Variants in PRKCA observed in about 807,000 individuals in gnomAD.
The protein encoded by PRKCA is protein kinase C alpha type.
A neutral mutation model predicts 87.0 loss-of-function variants in PRKCA; 27 were observed. The ratio of observed to expected loss-of-function variants is 0.31; its 90% CI spans 0.23 to 0.43. The LOEUF is 0.43. Among genes scored for constraint, PRKCA ranks in the 20% least tolerant of loss-of-function variants. PRKCA has a pLI of 1.00. For synonymous variants in PRKCA, 329 were observed against 311.1 expected (o/e 1.06, Z -0.61); for missense variants, 518 against 852.3 (o/e 0.61, Z 4.88).
At chr17:66,370,435 G>A (rs991234888) in intron 2 of PRKCA, among the ~76,000 whole-genome samples, 30 of 151,270 alleles carry the variant, frequency 2.0e-4, no homozygotes, top group African/African-American at 7.0e-4. Context: ...GCGAACAGTG[G>A]TTAACAGTTA....
chr17:66,627,758 G>A (rs146400279), intron 3 of PRKCA, among the ~76,000 whole-genome samples: 4 of 152,192 alleles, frequency 2.6e-5, no homozygotes, highest in East Asian at 3.9e-4. Flanking sequence ...CCTGTTTTAC[G>A]GCTTCCTACC....
rs187766387 is a variant in PRKCA at position 66,659,884 on chromosome 17, G to A, written c.529+14373G>A. ...CCAAGCAAGGAGAATTGAGCAGCTC[G>A]TGCTGATGACTTGAACTGGCAGATA... is the stretch of plus-strand genomic sequence containing the variant. On this transcript the variant is annotated intron_variant, in intron 5 of 16. Coordinates refer to ENST00000413366, the MANE Select transcript of PRKCA (RefSeq NM_002737.3). Among the ~76,000 whole-genome samples, 109 of 152,306 alleles carry A rather than the reference G, an allele frequency of 7.2e-4. 1 individual carries two copies. In the Middle Eastern group the frequency reaches 0.01, roughly 14 times the overall value.
At chr17:66,699,052 A>G (rs1393769089) in intron 8 of PRKCA, among the ~76,000 whole-genome samples, 1 of 150,714 alleles carries the variant, frequency 6.6e-6, no homozygotes, top group Non-Finnish European at 1.5e-5. Context: ...AAGGTAAGCA[A>G]GCCAGGCACA....
intron 8 of PRKCA, among the ~76,000 whole-genome samples, chr17:66,712,647 A>T (rs536937450): frequency 2.0e-5 from 3 of 152,276 alleles, no homozygotes; most frequent in Admixed American, 2.0e-4. Flanking sequence ...CCTGCTGGGC[A>T]ACGTGGCTGT....
chr17:66,574,987 C>G (rs894596146), intron 3 of PRKCA, among the ~76,000 whole-genome samples: 5 of 152,132 alleles, frequency 3.3e-5, no homozygotes, highest in Non-Finnish European at 7.3e-5. Flanking sequence ...TTTCACTTAT[C>G]GGGAATTTTC....
At chr17:66,736,047 A>T (rs1312307373) in intron 10 of PRKCA, among the ~76,000 whole-genome samples, 3 of 150,078 alleles carry the variant, frequency 2.0e-5, no homozygotes, top group African/African-American at 7.4e-5. Context: ...CACTCAGCTA[A>T]TTTTTGTATT....
intron 14 of PRKCA, among the ~76,000 whole-genome samples, chr17:66,786,018 CG>C (rs752667870): frequency 3.9e-5 from 6 of 152,072 alleles, no homozygotes; most frequent in Non-Finnish European, 2.9e-5. Context: ...TTAGTAGAGA[CG>C]GGGTTTCACC....
chr17:66,334,973 CATT>C (rs1197939050), intron 2 of PRKCA, among the ~76,000 whole-genome samples: 1 of 152,134 alleles, frequency 6.6e-6, no homozygotes, highest in Admixed American at 6.6e-5. Context: ...ACTTCAAAGA[CATT>C]ATGCCAAGTG....
intron 3 of PRKCA, among the ~76,000 whole-genome samples, chr17:66,564,715 C>T (rs184471993): frequency 1.3e-5 from 2 of 152,164 alleles, no homozygotes; most frequent in Non-Finnish European, 2.9e-5. Context: ...GGTGCAGTGG[C>T]TCATGCCTGT....
At chr17:66,375,036 G>A (rs111687163) in intron 2 of PRKCA, among the ~76,000 whole-genome samples, 3 of 142,966 alleles carry the variant, frequency 2.1e-5, no homozygotes, top group African/African-American at 7.9e-5. Context: ...CCCGGCCTTA[G>A]TTGCATTCTT....
chr17:66,776,441 C>G (rs1369551554), intron 14 of PRKCA, among the ~76,000 whole-genome samples: 2 of 152,134 alleles, frequency 1.3e-5, no homozygotes, highest in Non-Finnish European at 2.9e-5. Context: ...TCCTTAGTAG[C>G]TGGGATTACA....
At chr17:66,775,947 G>T (rs1975036140) in intron 14 of PRKCA, among the ~76,000 whole-genome samples, 1 of 152,192 alleles carries the variant, frequency 6.6e-6, no homozygotes, top group Admixed American at 6.5e-5. Flanking sequence ...AGATAGTGTT[G>T]GGGGAGGTTG....
chr17:66,468,085 A>G (rs1386439612), intron 2 of PRKCA, among the ~76,000 whole-genome samples: 2 of 152,198 alleles, frequency 1.3e-5, no homozygotes, highest in Non-Finnish European at 2.9e-5. Flanking sequence ...CTATGCAACT[A>G]AAATACAAAG....
chr17:66,649,097 C>CAAAA (rs919549017), intron 5 of PRKCA, among the ~76,000 whole-genome samples: 2 of 89,718 alleles, frequency 2.2e-5, no homozygotes. Flanking sequence ...GAGTCCATCT[C>CAAAA]AAAAAAAAAA....
intron 2 of PRKCA, among the ~76,000 whole-genome samples, chr17:66,465,014 T>A (rs1023425955): frequency 6.6e-6 from 1 of 152,234 alleles, no homozygotes; most frequent in African/African-American, 2.4e-5. Flanking sequence ...TTGGTTTTTT[T>A]AATTAAATAC....
chr17:66,335,820 C>T (rs773379528), intron 2 of PRKCA, among the ~76,000 whole-genome samples: 2 of 152,046 alleles, frequency 1.3e-5, no homozygotes, highest in Non-Finnish European at 2.9e-5. Context: ...TCAGGTTTTT[C>T]TTTATAGATA....
At chr17:66,523,670 G>T (rs373665565) in intron 3 of PRKCA, among the ~76,000 whole-genome samples, 1 of 152,148 alleles carries the variant, frequency 6.6e-6, no homozygotes, top group Non-Finnish European at 1.5e-5. Context: ...CTGAGAAAAA[G>T]CGAATGCACC....
intron 5 of PRKCA, among the ~76,000 whole-genome samples, chr17:66,662,409 G>A (rs770256666): frequency 1.3e-5 from 2 of 152,100 alleles, no homozygotes; most frequent in Non-Finnish European, 2.9e-5. Context: ...TGGCTTTAGC[G>A]CCATGGCTCA....
intron 13 of PRKCA, among the ~76,000 whole-genome samples, chr17:66,770,107 C>T (rs1266009623): frequency 6.6e-6 from 1 of 152,116 alleles, no homozygotes; most frequent in Non-Finnish European, 1.5e-5. Context: ...CAGCTTCTGC[C>T]GTTCAGATGC....
Sources: allele counts gnomAD v4.1 joint callset (sites outside exome capture counted in the v4.1 genomes callset), GRCh38; gene constraint gnomAD v4.1.1; transcripts MANE v1.5; gene names NCBI Gene and HGNC (gene_info 2026-07-23, HGNC 2026-07-21).